ARID1B: variants seen among roughly 807,000 people sequenced by gnomAD.
The protein encoded by ARID1B is AT-rich interaction domain 1B.
Under a neutral mutation model 212.3 loss-of-function variants are expected in ARID1B, and 30 were observed. The observed-to-expected ratio is 0.14, with a 90% CI of 0.11 to 0.19. The LOEUF (loss-of-function observed/expected upper bound fraction) is 0.19, where lower values mean the gene tolerates loss of function less well. Among genes scored for constraint, ARID1B ranks in the 10% least tolerant of loss-of-function variants. The pLI is 1.00. For missense variants in ARID1B, 2,891 were observed against 3,204.0 expected, an observed-to-expected ratio of 0.90 and a Z score of 2.36; for synonymous variants, 1,402 against 1,301.7, an observed-to-expected ratio of 1.08 and a Z score of -1.66.
rs542405860 is a variant in ARID1B, at chr6:156,837,279, G to A, written c.1986+7858G>A. Among the ~76,000 whole-genome samples the A allele has an allele frequency of 3.2e-4, 49 of 152,168 alleles. No individual in the cohort carries two copies. The South Asian group carries it at 9.7e-3, about 30-fold the overall frequency. On this transcript the variant is annotated intron_variant, in intron 2 of 19. Transcript: ENST00000636930. ...AGAAAATCTTAAGGTTGACATTCTT[G>A]GAATCACAAAAGGAAGCAAAGAGAG...
intron 1 of ARID1B, among the ~76,000 whole-genome samples, chr6:156,803,293 G>A (rs1175300899): frequency 6.6e-6 from 1 of 152,118 alleles, no homozygotes; most frequent in Non-Finnish European, 1.5e-5. Flanking sequence ...TTATAATGTT[G>A]TATAATAGAA....
At chr6:157,036,689 ATC>A (rs1385195360) in intron 4 of ARID1B, 1 of 373,712 alleles carries the variant, frequency 2.7e-6, no homozygotes, top group Non-Finnish European at 5.4e-6. Context: ...ATACTCACAG[ATC>A]TCTCTTTCTT....
At chr6:156,871,516 C>T in intron 2 of ARID1B, 1 of 1,073,764 alleles carries the variant, frequency 9.3e-7, no homozygotes, top group Non-Finnish European at 1.4e-6. Context: ...GATTAAGTTG[C>T]TCAAGGTCAC....
chr6:157,085,947 T>G (rs1751426546), intron 5 of ARID1B, among the ~76,000 whole-genome samples: 1 of 152,246 alleles, frequency 6.6e-6, no homozygotes, highest in South Asian at 2.1e-4. Flanking sequence ...TTTAAAATAT[T>G]GTTCTTTTGG....
chr6:156,979,930 T>A (rs772227070), intron 4 of ARID1B, among the ~76,000 whole-genome samples: 1 of 152,158 alleles, frequency 6.6e-6, no homozygotes, highest in Non-Finnish European at 1.5e-5. Context: ...TGGAGTGCAG[T>A]GGCGTGATCA....
At chr6:156,805,609 C>T (rs1781100348) in intron 1 of ARID1B, among the ~76,000 whole-genome samples, 2 of 152,076 alleles carry the variant, frequency 1.3e-5, no homozygotes, top group Non-Finnish European at 2.9e-5. Context: ...CAAATGTCAC[C>T]TTTGCTTTTA....
Position 157,156,150 on chromosome 6 carries a change from G to GC in ARID1B, c.3089+7199_3089+7200insC, listed in dbSNP as rs541125518. On this transcript the variant is annotated intron_variant, in intron 8 of 19. Transcript: ENST00000636930. Reference sequence around the variant, plus strand: ...ATGTGTCAAGCCCCAGTTGTAGTGGGGTCCATGTGCTAAAGAGCAGGAAGT... The same window carrying GC: ...ATGTGTCAAGCCCCAGTTGTAGTGGGCGTCCATGTGCTAAAGAGCAGGAAGT... Among the ~76,000 whole-genome samples the GC allele has an allele frequency of 4.6e-5, 7 of 152,250 alleles. No individual in the cohort carries two copies. The South Asian group carries it at 1.5e-3, about 32-fold the overall frequency.
At chr6:157,077,145 G>T (rs1784360234) in intron 4 of ARID1B, among the ~76,000 whole-genome samples, 1 of 152,124 alleles carries the variant, frequency 6.6e-6, no homozygotes, top group Admixed American at 6.5e-5. Context: ...ACCCAGACTA[G>T]AGTTACTCAG....
At chr6:156,779,536 T>A (rs1779043605) in intron 1 of ARID1B, 65 bp downstream of exon 1, 3 of 1,220,388 alleles carry the variant, frequency 2.5e-6, no homozygotes, top group Non-Finnish European at 2.1e-6. Flanking sequence ...AGCCTGAGTT[T>A]CTTTCTTTGC....
At chr6:157,155,260 A>G (rs189317289) in intron 8 of ARID1B, among the ~76,000 whole-genome samples, 23 of 152,296 alleles carry the variant, frequency 1.5e-4, no homozygotes, top group Non-Finnish European at 8.8e-5. Flanking sequence ...CTGCTTTGGC[A>G]TTTAACATTG....
chr6:157,026,503 C>G (rs1780678751), intron 4 of ARID1B, among the ~76,000 whole-genome samples: 1 of 152,010 alleles, frequency 6.6e-6, no homozygotes, highest in Non-Finnish European at 1.5e-5. Context: ...AGTATGCTGA[C>G]AAGTGGCGGC....
chr6:157,125,101 C>T (rs1788048966), intron 6 of ARID1B, among the ~76,000 whole-genome samples: 1 of 152,110 alleles, frequency 6.6e-6, no homozygotes, highest in Non-Finnish European at 1.5e-5. Flanking sequence ...GCGGCAGACT[C>T]GTGTGCTGGG....
chr6:157,138,144 C>T (rs753959668), intron 7 of ARID1B, among the ~76,000 whole-genome samples: 8 of 152,126 alleles, frequency 5.3e-5, no homozygotes, highest in African/African-American at 9.7e-5. Context: ...GTAGGCCCTG[C>T]AGTCACTGAG....
At chr6:156,860,426 G>A (rs1220598056) in intron 2 of ARID1B, among the ~76,000 whole-genome samples, 1 of 151,842 alleles carries the variant, frequency 6.6e-6, no homozygotes, top group Non-Finnish European at 1.5e-5. Flanking sequence ...CAGGACAGAA[G>A]CCTGTTAGTG....
At chr6:157,132,981 A>G in intron 6 of ARID1B, 47 bp from the exon 7 acceptor site, 1 of 1,556,654 alleles carries the variant, frequency 6.4e-7, no homozygotes, top group Non-Finnish European at 8.7e-7. Flanking sequence ...GTATGCAGAG[A>G]TTATGAAACA....
intron 4 of ARID1B, among the ~76,000 whole-genome samples, chr6:157,014,376 G>A (rs1197269594): frequency 2.0e-5 from 3 of 152,054 alleles, no homozygotes; most frequent in Middle Eastern, 3.2e-3. Context: ...AATGAAATCC[G>A]CTTCCTTAGT....
At chr6:156,917,223 T>C (rs1790430115) in intron 3 of ARID1B, among the ~76,000 whole-genome samples, 1 of 152,214 alleles carries the variant, frequency 6.6e-6, no homozygotes, top group African/African-American at 2.4e-5. Flanking sequence ...ACGTATAGTT[T>C]CTCTTCAAGT....
At chr6:156,847,598 G>A (rs1402860349) in intron 2 of ARID1B, among the ~76,000 whole-genome samples, 1 of 152,178 alleles carries the variant, frequency 6.6e-6, no homozygotes, top group African/African-American at 2.4e-5. Flanking sequence ...GAGGTTTCTT[G>A]CAGATGAGAG....
chr6:157,013,868 G>A (rs1379671320), intron 4 of ARID1B, among the ~76,000 whole-genome samples: 1 of 152,216 alleles, frequency 6.6e-6, no homozygotes, highest in African/African-American at 2.4e-5. Flanking sequence ...AGTAACACAG[G>A]CTAGCACTGT....
Sources: gnomAD v4.1 joint callset for allele counts (sites outside exome capture counted in the v4.1 genomes callset) on GRCh38, gnomAD v4.1.1 for gene constraint, MANE v1.5 for transcripts, NCBI Gene and HGNC (gene_info 2026-07-23, HGNC 2026-07-21) for gene names.